Variants in SPOCK1 observed in about 807,000 individuals in gnomAD.
SPOCK1 encodes SPARC (osteonectin), cwcv and kazal like domains proteoglycan 1, also known as testican-1.
Under a neutral mutation model 55.3 loss-of-function variants are expected in SPOCK1, and 23 were observed. That is an observed-to-expected ratio of 0.42 (90% CI 0.30 to 0.59). SPOCK1 has a LOEUF of 0.59. Among genes scored for constraint, SPOCK1 ranks in the 20% least tolerant of loss-of-function variants. The pLI, the probability that SPOCK1 is intolerant of heterozygous loss-of-function variation, is 0.22. For synonymous variants in SPOCK1, 226 were observed against 221.0 expected, an observed-to-expected ratio of 1.02 and a Z score of -0.20; for missense variants, 499 against 552.5, an observed-to-expected ratio of 0.90 and a Z score of 0.97.
chr5:137,363,726 T>C (rs1194985931), intron 2 of SPOCK1, among the ~76,000 whole-genome samples: 1 of 152,128 alleles, frequency 6.6e-6, no homozygotes, highest in African/African-American at 2.4e-5. Context: ...GGGGGATAAA[T>C]AGAAATGGAG....
At chr5:137,407,219 C>T (rs539757781) in intron 2 of SPOCK1, among the ~76,000 whole-genome samples, 9 of 152,354 alleles carry the variant, frequency 5.9e-5, no homozygotes, top group Non-Finnish European at 1.2e-4. Flanking sequence ...CTTTAAACCA[C>T]TGCTGTCCGA....
intron 2 of SPOCK1, among the ~76,000 whole-genome samples, chr5:137,341,334 C>A (rs867705651): frequency 1.8e-4 from 27 of 152,332 alleles, no homozygotes; most frequent in African/African-American, 6.3e-4. Context: ...AAAACCTATT[C>A]CCAGAGACTT....
chr5:136,986,521 G>C (rs1427564289), intron 8 of SPOCK1, among the ~76,000 whole-genome samples: 1 of 152,096 alleles, frequency 6.6e-6, no homozygotes, highest in Non-Finnish European at 1.5e-5. Flanking sequence ...AAAGAAAAAT[G>C]AGGTATAAAA....
At chr5:137,054,200 A>G (rs559090602) in intron 6 of SPOCK1, among the ~76,000 whole-genome samples, 4 of 152,352 alleles carry the variant, frequency 2.6e-5, no homozygotes, top group East Asian at 3.9e-4. Context: ...AGGCCTATCT[A>G]TCTGTTTTTA....
intron 4 of SPOCK1, among the ~76,000 whole-genome samples, chr5:137,138,671 T>C (rs1754036030): frequency 6.7e-6 from 1 of 149,854 alleles, no homozygotes; most frequent in Admixed American, 6.7e-5. Context: ...TCTCAGATAA[T>C]ATATACCTTA....
intron 2 of SPOCK1, among the ~76,000 whole-genome samples, chr5:137,286,678 T>C (rs1297053580): frequency 6.6e-6 from 1 of 152,118 alleles, no homozygotes; most frequent in Non-Finnish European, 1.5e-5. Context: ...AGAGTCTGAG[T>C]GTGTCAAATC....
chr5:137,328,561 A>G (rs559022846), intron 2 of SPOCK1, among the ~76,000 whole-genome samples: 4 of 152,318 alleles, frequency 2.6e-5, no homozygotes, highest in African/African-American at 9.6e-5. Flanking sequence ...GACGCTAGTC[A>G]CTGCTCTCCT....
intron 6 of SPOCK1, among the ~76,000 whole-genome samples, chr5:137,005,025 C>G (rs996285447): frequency 1.3e-5 from 2 of 152,192 alleles, no homozygotes; most frequent in African/African-American, 4.8e-5. Context: ...AATTATTCTT[C>G]TTGTAGGCAA....
At chr5:137,256,365 T>TAAC (rs1449968189) in intron 3 of SPOCK1, among the ~76,000 whole-genome samples, 1 of 152,164 alleles carries the variant, frequency 6.6e-6, no homozygotes, top group Non-Finnish European at 1.5e-5. Context: ...GGGTAATTTA[T>TAAC]AACAAACAGA....
At chr5:137,282,071 A>G (rs1757174232) in intron 2 of SPOCK1, among the ~76,000 whole-genome samples, 1 of 152,276 alleles carries the variant, frequency 6.6e-6, no homozygotes, top group African/African-American at 2.4e-5. Context: ...TGCCTACTCT[A>G]TCGGGTTAAC....
intron 6 of SPOCK1, among the ~76,000 whole-genome samples, chr5:137,016,892 G>A (rs537259604): frequency 6.6e-6 from 1 of 152,368 alleles, no homozygotes; most frequent in East Asian, 1.9e-4. Flanking sequence ...CTAGTGGGGA[G>A]TAAAGGAGAA....
chr5:137,419,781 AT>A (rs1244509130), intron 2 of SPOCK1, among the ~76,000 whole-genome samples: 7 of 152,140 alleles, frequency 4.6e-5, no homozygotes, highest in Non-Finnish European at 7.3e-5. Flanking sequence ...TTCCTAATTG[AT>A]TACCCTTTAT....
chr5:137,066,987 C>CACACAGAGAGAGAGAGAGAGAGAG (rs1343691789), intron 6 of SPOCK1, among the ~76,000 whole-genome samples: 9 of 139,582 alleles, frequency 6.4e-5, no homozygotes, highest in African/African-American at 2.1e-4. Context: ...CACACACACA[C>CACACAGAGAGAGAGAGAGAGAGAG]AGAGAGAGAG....
intron 2 of SPOCK1, among the ~76,000 whole-genome samples, chr5:137,413,286 T>C (rs1752248329): frequency 6.6e-6 from 1 of 152,176 alleles, no homozygotes; most frequent in Non-Finnish European, 1.5e-5. Flanking sequence ...TGGAATAAAA[T>C]ATAGAAATAC....
chr5:137,199,203 G>A (rs1755363489), intron 3 of SPOCK1, among the ~76,000 whole-genome samples: 2 of 152,108 alleles, frequency 1.3e-5, no homozygotes, highest in Middle Eastern at 3.2e-3. Context: ...ACCTTATTGC[G>A]ATGACAGCCA....
chr5:137,156,903 G>C (rs774252851), intron 3 of SPOCK1, among the ~76,000 whole-genome samples: 3 of 152,168 alleles, frequency 2.0e-5, no homozygotes, highest in Non-Finnish European at 4.4e-5. Flanking sequence ...CAGGTGTGTG[G>C]TGACCAGCCC....
chr5:137,370,322 C>T (rs1411666644), intron 2 of SPOCK1, among the ~76,000 whole-genome samples: 2 of 152,136 alleles, frequency 1.3e-5, no homozygotes, highest in African/African-American at 2.4e-5. Context: ...ACACGCCGAC[C>T]GAGTCCGGTG....
intron 2 of SPOCK1, among the ~76,000 whole-genome samples, chr5:137,461,172 T>G (rs954720458): frequency 6.6e-6 from 1 of 152,240 alleles, no homozygotes; most frequent in African/African-American, 2.4e-5. Context: ...CACATATTAG[T>G]GCTCAATACA....
intron 5 of SPOCK1, among the ~76,000 whole-genome samples, chr5:137,109,463 G>A (rs1354872715): frequency 6.6e-6 from 1 of 152,118 alleles, no homozygotes; most frequent in Non-Finnish European, 1.5e-5. Context: ...TGGTAATGAT[G>A]TTTTCTGAGC....
Sources: allele counts gnomAD v4.1 joint callset (sites outside exome capture counted in the v4.1 genomes callset), GRCh38; gene constraint gnomAD v4.1.1; transcripts MANE v1.5; gene names NCBI Gene and HGNC (gene_info 2026-07-23, HGNC 2026-07-21).